The following AGBL1 variants were observed in gnomAD, a reference collection of about 807,000 sequenced individuals.
The protein encoded by AGBL1 is cytosolic carboxypeptidase 4.
A neutral mutation model predicts 118.9 loss-of-function variants in AGBL1; 130 were observed. The ratio of observed to expected loss-of-function variants is 1.09; its 90% CI spans 0.95 to 1.26. The LOEUF (loss-of-function observed/expected upper bound fraction) is 1.26. Ranked by LOEUF, AGBL1 falls within the 50% of genes most tolerant of loss-of-function variation. AGBL1 has a pLI of 0.00. For synonymous variants in AGBL1, 555 were observed against 478.9 expected, an observed-to-expected ratio of 1.16 and a Z score of -2.08; for missense variants, 1,584 against 1,298.1, an observed-to-expected ratio of 1.22 and a Z score of -3.38.
At chr15:86,271,469 A>G in intron 14 of AGBL1, 150 bp from the exon 15 acceptor site, 1 of 657,442 alleles carries the variant, frequency 1.5e-6, no homozygotes, top group East Asian at 2.7e-5. Flanking sequence ...CAAGATCCTT[A>G]ACTTAATCAT....
intron 22 of AGBL1, among the ~76,000 whole-genome samples, chr15:86,773,714 A>G (rs1446157136): frequency 6.6e-6 from 1 of 151,996 alleles, no homozygotes; most frequent in Non-Finnish European, 1.5e-5. Context: ...ATGTGCAGAG[A>G]AGCAGAAGCC....
chr15:86,533,399 A>G (rs1434652154), intron 19 of AGBL1, among the ~76,000 whole-genome samples: 1 of 112,318 alleles, frequency 8.9e-6, no homozygotes, highest in Non-Finnish European at 1.8e-5. Context: ...ATGCAAATCA[A>G]AACCACTATG....
intron 21 of AGBL1, among the ~76,000 whole-genome samples, chr15:86,646,729 T>C: frequency 6.6e-6 from 1 of 152,214 alleles, no homozygotes; most frequent in South Asian, 2.1e-4. Flanking sequence ...ATTTTGCCAT[T>C]AGTCAGTCCT....
intron 22 of AGBL1, among the ~76,000 whole-genome samples, chr15:86,705,975 A>G (rs1596388051): frequency 6.6e-6 from 1 of 152,168 alleles, no homozygotes; most frequent in Non-Finnish European, 1.5e-5. Context: ...TTTGGAAAAA[A>G]AAAACTTTAA....
In AGBL1 at chr15:86,712,213, A is replaced by G. The variant is rs147767224; in HGVS notation, c.3158+37777A>G. ...CAGTGTTTCCATTTCCTTGTTTATCATGGATTTAGGGTAGAAATAATTAAA... is the reference window on the plus strand; with the variant it reads ...CAGTGTTTCCATTTCCTTGTTTATCGTGGATTTAGGGTAGAAATAATTAAA... On this transcript the variant is annotated intron_variant, in intron 22 of 22. Transcript: ENST00000614907. 1.8e-3 allele frequency among the ~76,000 whole-genome samples: 267 copies of G among 152,288 alleles called. 3 individuals are homozygous for G. In the East Asian group the frequency reaches 0.022, roughly 13 times the overall value.
intron 17 of AGBL1, among the ~76,000 whole-genome samples, chr15:86,386,813 C>G (rs934966210): frequency 6.6e-6 from 1 of 152,138 alleles, no homozygotes; most frequent in Non-Finnish European, 1.5e-5. Flanking sequence ...TTGGCTGGGA[C>G]TTTAACTCTT....
At chr15:87,022,885 A>G (rs957352867) in intron 24 of AGBL1, among the ~76,000 whole-genome samples, 1 of 152,048 alleles carries the variant, frequency 6.6e-6, no homozygotes, top group Non-Finnish European at 1.5e-5. Context: ...GGAAAGATAC[A>G]GTCTTTTTCA....
intron 17 of AGBL1, among the ~76,000 whole-genome samples, chr15:86,307,880 G>A (rs1192631730): frequency 6.6e-6 from 1 of 152,078 alleles, no homozygotes; most frequent in Non-Finnish European, 1.5e-5. Context: ...TAAGAAATAT[G>A]ACATTTACCT....
chr15:86,415,670 T>C (rs1421522666), intron 18 of AGBL1, among the ~76,000 whole-genome samples: 1 of 152,156 alleles, frequency 6.6e-6, no homozygotes, highest in Non-Finnish European at 1.5e-5. Flanking sequence ...ACATCTAAGA[T>C]TTTTTAATAT....
At chr15:86,710,175 T>A (rs1205457220) in intron 22 of AGBL1, among the ~76,000 whole-genome samples, 3 of 48,262 alleles carry the variant, frequency 6.2e-5, no homozygotes, top group Non-Finnish European at 1.4e-4. Flanking sequence ...TTTGCTGAAC[T>A]TAGAAAAAAA....
Position 86,143,998 on chromosome 15 carries a change from A to C in AGBL1, c.262+153A>C. Among the ~76,000 whole-genome samples, 3 of 152,324 alleles carry C rather than the reference A, an allele frequency of 2.0e-5. No individual in the cohort carries two copies. The South Asian group carries it at 6.2e-4, about 32-fold the overall frequency. ...ATGGTGATGGCAGGACCAGCCCCAT[A>C]GGAGAGGCCATTTTGTTGACTTTGA... On this transcript the variant is annotated intron_variant, in intron 3 of 22. Transcript: ENST00000614907.
chr15:86,897,676 G>A (rs2080147900), intron 22 of AGBL1, among the ~76,000 whole-genome samples: 1 of 142,280 alleles, frequency 7.0e-6, no homozygotes, highest in Non-Finnish European at 1.5e-5. Context: ...CCTAATTCTT[G>A]TTGCTTCAAA....
chr15:86,212,472 G>A (rs2078114846), intron 5 of AGBL1, among the ~76,000 whole-genome samples: 1 of 152,114 alleles, frequency 6.6e-6, no homozygotes. Context: ...AAGGGGAAAA[G>A]GCTTTCTAAA....
chr15:86,932,823 G>A (rs1178752255), intron 23 of AGBL1: 2 of 151,978 alleles, frequency 1.3e-5, no homozygotes, highest in African/African-American at 4.8e-5. Context: ...AATCTGGACT[G>A]ATTTTCTTTC....
At chr15:86,825,681 AAGGG>A (rs1308482906) in intron 22 of AGBL1, among the ~76,000 whole-genome samples, 6 of 129,142 alleles carry the variant, frequency 4.6e-5, no homozygotes, top group African/African-American at 1.1e-4. Context: ...GGGAGGAAGG[AAGGG>A]AGAGAGGGAG....
At chr15:86,362,547 G>T (rs1277538779) in intron 17 of AGBL1, among the ~76,000 whole-genome samples, 2 of 152,178 alleles carry the variant, frequency 1.3e-5, no homozygotes, top group African/African-American at 2.4e-5. Context: ...TAGGGGACAG[G>T]GATAGGCATG....
chr15:86,699,052 A>T (rs1432664683), intron 22 of AGBL1, among the ~76,000 whole-genome samples: 2 of 152,052 alleles, frequency 1.3e-5, no homozygotes, highest in African/African-American at 4.8e-5. Context: ...AAATCATAAA[A>T]AGCAGGAAGA....
At chr15:86,882,020 T>G (rs1289113227) in intron 22 of AGBL1, among the ~76,000 whole-genome samples, 1 of 152,140 alleles carries the variant, frequency 6.6e-6, no homozygotes, top group Non-Finnish European at 1.5e-5. Context: ...GGGACACAAA[T>G]GCAAACCATA....
chr15:86,955,435 C>G (rs976333), intron 23 of AGBL1, among the ~76,000 whole-genome samples: 70,671 of 151,580 alleles, frequency 0.47, 19,287 homozygotes, highest in Non-Finnish European at 0.62. Context: ...GCCAAGAATT[C>G]AACTCAAGAT....
Sources: gnomAD v4.1 joint callset for allele counts (sites outside exome capture counted in the v4.1 genomes callset) on GRCh38, gnomAD v4.1.1 for gene constraint, MANE v1.5 for transcripts, NCBI Gene and HGNC (gene_info 2026-07-23, HGNC 2026-07-21) for gene names.